TNRC18: variants seen among roughly 807,000 people sequenced by gnomAD.
TNRC18 encodes trinucleotide repeat containing 18, also known as trinucleotide repeat-containing gene 18 protein.
Under a neutral mutation model 226.7 loss-of-function variants are expected in TNRC18, and 69 were observed. That is an observed-to-expected ratio of 0.30 (90% confidence interval 0.25 to 0.37). The LOEUF is 0.37. Ranked by LOEUF, TNRC18 falls within the 10% of genes least tolerant of loss-of-function variation. The pLI is 1.00. For missense variants in TNRC18, 4,754 were observed against 4,256.6 expected (o/e 1.12, Z -3.25); for synonymous variants, 2,449 against 1,927.6 (o/e 1.27, Z -7.09).
Position 5,320,549 on chromosome 7 carries a change from G to A in TNRC18, c.6619C>T (p.Gln2207Ter), listed in dbSNP as rs1317973015. 6.2e-7 allele frequency: 1 copy of A among 1,611,256 alleles called. No homozygotes were observed. Residue 2207 changes from glutamine (Q) to a stop codon, truncating the protein, a stop_gained, in exon 23 of 30, where the codon CAG becomes TAG. Transcript: ENST00000430969. LOFTEE classifies it high-confidence loss of function. ...CCCCTCACCGCCTCCTGCAGCAACT[G>A]CTCCAGACAGTAGATGTGGGGCCGG... ...GNRPHIYCLEQLLQEAIIDVR... is the reference protein window; with the variant it reads ...GNRPHIYCLE
chr7:5,337,706 C>T (rs1011223236), intron 18 of TNRC18, among the ~76,000 whole-genome samples: 3 of 152,064 alleles, frequency 2.0e-5, no homozygotes, highest in South Asian at 2.1e-4. Context: ...AGTTTGTGGT[C>T]GGGTCCGGGG....
chr7:5,371,951 G>T (rs1406967403), intron 10 of TNRC18, among the ~76,000 whole-genome samples: 2 of 152,142 alleles, frequency 1.3e-5, no homozygotes, highest in Non-Finnish European at 2.9e-5. Flanking sequence ...AGGCTGGAAC[G>T]CAACGGCGCC....
chr7:5,408,675 C>G (rs925809637), intron 2 of TNRC18, among the ~76,000 whole-genome samples: 1 of 152,050 alleles, frequency 6.6e-6, no homozygotes, highest in Non-Finnish European at 1.5e-5. Context: ...CATTTGGAAG[C>G]AAGAAAGCAG....
chr7:5,309,498 T>C lies in TNRC18; in HGVS notation c.8389-130A>G. 2.7e-6 allele frequency: 2 copies of C among 743,152 alleles called. No individual in the cohort carries two copies. Among genetic ancestry groups the C allele is most frequent in the Non-Finnish European group, 4.3e-6 (2 of 460,752 alleles). The allele number at this position is 743,152 out of a possible 1,614,324, so 46.0% of individuals were successfully genotyped here. On this transcript the variant is annotated intron_variant, in intron 27 of 29. Coordinates refer to ENST00000430969, the MANE Select transcript of TNRC18 (RefSeq NM_001080495.3). The surrounding 1 kb of genome is among the most constrained non-coding windows in gnomAD (Gnocchi z 5.7). ...CAACCCCTATCCAACTGTGGGGAGATGAGGAAGCTCCTTGTCTCGCTTCAA... is the reference window on the plus strand; with the variant it reads ...CAACCCCTATCCAACTGTGGGGAGACGAGGAAGCTCCTTGTCTCGCTTCAA...
chr7:5,408,280 A>G (rs557702301), intron 2 of TNRC18, among the ~76,000 whole-genome samples: 1 of 147,688 alleles, frequency 6.8e-6, no homozygotes, highest in African/African-American at 2.5e-5. Flanking sequence ...GCCTGGCGAC[A>G]GAACAAGACT....
rs573983126 is a variant in TNRC18, at chr7:5,323,131, C to T, written c.6442+1083G>A. Among the ~76,000 whole-genome samples, 8 of 152,274 alleles carry T rather than the reference C, an allele frequency of 5.3e-5. 1 individual carries two copies. Among genetic ancestry groups the T allele is most frequent in the African/African-American group, 1.9e-4 (8 of 41,566 alleles). On this transcript the variant is annotated intron_variant, in intron 21 of 29. Transcript: ENST00000430969. ...TACATGCCCCTGAGACGCACACAGG[C>T]GGCGGCTGGTTGTCACATAGCGGCA...
intron 5 of TNRC18, among the ~76,000 whole-genome samples, chr7:5,380,442 T>C (rs893150257): frequency 2.6e-5 from 4 of 152,092 alleles, no homozygotes; most frequent in Non-Finnish European, 5.9e-5. Context: ...CATCTCCCTT[T>C]CCCTGCAGGA....
Position 5,394,505 on chromosome 7 carries a change from G to A in TNRC18, c.278C>T (p.Ser93Phe). 1.3e-6 allele frequency: 2 copies of A among 1,557,984 alleles called. No homozygotes were observed. Among genetic ancestry groups the A allele is most frequent in the South Asian group, 1.2e-5 (1 of 84,344 alleles). The change falls in exon 3 of 30, where the codon TCT becomes TTT. Residue 93 changes from serine to phenylalanine, a missense_variant. Ser to Phe is a radical substitution (Grantham distance 155). Coordinates refer to ENST00000430969, the MANE Select transcript of TNRC18 (RefSeq NM_001080495.3). The surrounding 1 kb of genome is among the most constrained non-coding windows in gnomAD (Gnocchi z 4.5). ...GTTGCTAGGGGTTGGGGAGCGGAAA[G>A]ACAGGTCAGAGGGCAGTGGCACTGG... ...GSPVPLPSDLSFRSPTPSNLP... is the reference protein window; with the variant it reads ...GSPVPLPSDLFFRSPTPSNLP...
Position 5,323,314 on chromosome 7 carries a change from G to A in TNRC18, c.6442+900C>T, listed in dbSNP as rs139702186. Among the ~76,000 whole-genome samples the A allele has an allele frequency of 5.3e-5, 8 of 151,628 alleles. No homozygotes were observed. In the East Asian group the frequency reaches 5.9e-4, roughly 11 times the overall value. On this transcript the variant is annotated intron_variant, in intron 21 of 29. Coordinates refer to ENST00000430969, the MANE Select transcript of TNRC18 (RefSeq NM_001080495.3). ...CCAGCACATGACTCTCCCTGACCCG[G>A]GTCTCAGGGACAGGGCTTCCCCCCA...
chr7:5,315,331 G>A (rs1787743684), intron 25 of TNRC18, among the ~76,000 whole-genome samples, 183 bp from the exon 26 acceptor site: 1 of 152,222 alleles, frequency 6.6e-6, no homozygotes, highest in Non-Finnish European at 1.5e-5. Context: ...TCTGCAGGGA[G>A]CAGCCAGAGG....
chr7:5,340,813 T>C (rs1178795154), intron 18 of TNRC18, among the ~76,000 whole-genome samples: 1 of 150,464 alleles, frequency 6.6e-6, no homozygotes, highest in Non-Finnish European at 1.5e-5. Context: ...AAGCAGCCGG[T>C]GTTGATGGAG....
At position 5,394,674 on chromosome 7, in the gene TNRC18, C is replaced by T. The variant is rs374297070; in HGVS notation, c.188-79G>A. 1.6e-5 allele frequency: 18 copies of T among 1,104,330 alleles called. No homozygotes were observed. The highest frequency in any genetic ancestry group is 2.9e-4 in the Middle Eastern group (1 of 3,490). 68.4% of individuals were successfully genotyped at this position (1,104,330 alleles called of 1,614,324 possible). On this transcript the variant is annotated intron_variant, in intron 2 of 29. Transcript: ENST00000430969. The surrounding 1 kb of genome is among the most constrained non-coding windows in gnomAD (Gnocchi z 4.5). Reference sequence around the variant, plus strand: ...GCCCCAGCCCACCGCCCCGACCCACCGCCCCGAGACCGCCGCCTCTCCCCA... The same window carrying T: ...GCCCCAGCCCACCGCCCCGACCCACTGCCCCGAGACCGCCGCCTCTCCCCA...
chr7:5,314,612 G>T (rs1482288923), intron 26 of TNRC18, among the ~76,000 whole-genome samples: 1 of 124,650 alleles, frequency 8.0e-6, no homozygotes, highest in East Asian at 2.5e-4. Context: ...CGCTCTTGTC[G>T]CCCAGGCTGG....
At chr7:5,316,142 G>A in intron 24 of TNRC18, 70 bp from the exon 25 acceptor site, 4 of 1,254,824 alleles carry the variant, frequency 3.2e-6, no homozygotes, top group Non-Finnish European at 4.5e-6. Context: ...CAAGGGTCAG[G>A]ATGGCAGAAA....
chr7:5,340,205 C>G (rs8180766), intron 18 of TNRC18, among the ~76,000 whole-genome samples: 49,368 of 152,142 alleles, frequency 0.32, 9,546 homozygotes, highest in East Asian at 0.68. Context: ...TGAAGGAAAT[C>G]TAAAGTGCTC....
At chr7:5,418,153 A>G (rs1350653436) in intron 2 of TNRC18, among the ~76,000 whole-genome samples, 1 of 152,206 alleles carries the variant, frequency 6.6e-6, no homozygotes, top group African/African-American at 2.4e-5. Context: ...GCAGCCTGTG[A>G]GGACAACTGA....
At chr7:5,400,433 A>G (rs1781004948) in intron 2 of TNRC18, among the ~76,000 whole-genome samples, 1 of 151,938 alleles carries the variant, frequency 6.6e-6, no homozygotes, top group Non-Finnish European at 1.5e-5. Flanking sequence ...AACATGGTGA[A>G]ACTCCGTCTC....
At chr7:5,346,651 G>C (rs1791229141) in intron 17 of TNRC18, among the ~76,000 whole-genome samples, 1 of 151,986 alleles carries the variant, frequency 6.6e-6, no homozygotes, top group South Asian at 2.1e-4. Flanking sequence ...TAATTTTTTA[G>C]AAAAATTAAT....
Position 5,410,395 on chromosome 7 carries a change from G to T in TNRC18, c.187+10665C>A, listed in dbSNP as rs190509397. ...ATATCTAACTAATAGGAATACTAGAGAGAATAGCAAAAATACTGGGAAGGA... is the reference window on the plus strand; with the variant it reads ...ATATCTAACTAATAGGAATACTAGATAGAATAGCAAAAATACTGGGAAGGA... On this transcript the variant is annotated intron_variant, in intron 2 of 29. Transcript: ENST00000430969. 2.6e-5 allele frequency among the ~76,000 whole-genome samples: 4 copies of T among 151,262 alleles called. No individual in the cohort carries two copies. In the East Asian group the frequency reaches 7.7e-4, roughly 29 times the overall value.
Sources: allele counts gnomAD v4.1 joint callset (sites outside exome capture counted in the v4.1 genomes callset), GRCh38; gene constraint gnomAD v4.1.1; non-coding constraint Gnocchi (gnomAD v3.1); transcripts MANE v1.5; gene names NCBI Gene and HGNC (gene_info 2026-07-23, HGNC 2026-07-21).